The following ABHD6 variants were observed in gnomAD, a reference collection of about 807,000 sequenced individuals.
ABHD6 encodes monoacylglycerol lipase ABHD6.
A neutral mutation model predicts 38.8 loss-of-function variants in ABHD6; 33 were observed. That is an observed-to-expected ratio of 0.85 (90% CI 0.64 to 1.14). The LOEUF is 1.14. Ranked by LOEUF, ABHD6 falls within the 50% of genes most tolerant of loss-of-function variation. The pLI is 0.00. For synonymous variants in ABHD6, 147 were observed against 161.6 expected, an observed-to-expected ratio of 0.91 and a Z score of 0.69; for missense variants, 380 against 422.6, an observed-to-expected ratio of 0.90 and a Z score of 0.88.
In ABHD6 at chr3:58,256,470, TG is replaced by T; in HGVS notation, c.-25-89del. The T allele has an allele frequency of 1.3e-6, 1 of 744,988 alleles. No individual in the cohort carries two copies. The highest frequency in any genetic ancestry group is 2.2e-6 in the Non-Finnish European group (1 of 449,986). The allele number at this position is 744,988 out of a possible 1,614,324, so 46.1% of individuals were successfully genotyped here. A position where few individuals can be genotyped will look rare whatever the true frequency, so the allele number is the denominator to read the frequency against. ...TTCCTCCTGTTCTTTACCCTCACTCTGGGAACTTCACTTTTCTTGTCCCCTT... is the reference window on the plus strand; with the variant it reads ...TTCCTCCTGTTCTTTACCCTCACTCTGGAACTTCACTTTTCTTGTCCCCTT... On this transcript the variant is annotated intron_variant, in intron 2 of 9. Coordinates refer to ENST00000478253, the MANE Select transcript of ABHD6 (RefSeq NM_001320126.2). This position sits in a 1 kb window ranked among gnomAD's most constrained non-coding sequence, Gnocchi z 4.3.
At chr3:58,282,500 G>A (rs1004421391) in intron 7 of ABHD6, among the ~76,000 whole-genome samples, 1 of 152,218 alleles carries the variant, frequency 6.6e-6, no homozygotes, top group Non-Finnish European at 1.5e-5. Context: ...GGGAGGCCAA[G>A]GCGGGTGGAT....
chr3:58,281,285 C>T (rs1328262850), intron 7 of ABHD6, among the ~76,000 whole-genome samples: 2 of 152,222 alleles, frequency 1.3e-5, no homozygotes, highest in Non-Finnish European at 2.9e-5. Flanking sequence ...TGTTTACCTA[C>T]TTAAGCCTCA....
At chr3:58,246,622 C>G (rs1343919001) in intron 1 of ABHD6, among the ~76,000 whole-genome samples, 2 of 152,112 alleles carry the variant, frequency 1.3e-5, no homozygotes, top group Non-Finnish European at 2.9e-5. Flanking sequence ...TAATGAGAAC[C>G]CCCATGAGGA....
At chr3:58,248,059 A>T (rs1209699775) in intron 1 of ABHD6, among the ~76,000 whole-genome samples, 1 of 152,166 alleles carries the variant, frequency 6.6e-6, no homozygotes, top group African/African-American at 2.4e-5. Flanking sequence ...TAAGCATAAC[A>T]AATATATTTT....
chr3:58,276,289 CT>C (rs1287399796), intron 7 of ABHD6, among the ~76,000 whole-genome samples: 2 of 152,166 alleles, frequency 1.3e-5, no homozygotes, highest in Admixed American at 1.3e-4. Context: ...TGTTTCCTGA[CT>C]TTTTAATGAT....
rs1020868511 is a variant in ABHD6, at chr3:58,256,711, C to T, written c.119+6C>T. On this transcript the variant is annotated splice_donor_region_variant and intron_variant, in intron 3 of 9. Transcript: ENST00000478253. The surrounding 1 kb of genome is among the most constrained non-coding windows in gnomAD (Gnocchi z 4.3). Reference sequence around the variant, plus strand: ...CTGATAAGAATCTATTATTGGTAAGCCAGTTTTATCATTGATGTTTTCAAG... The same window carrying T: ...CTGATAAGAATCTATTATTGGTAAGTCAGTTTTATCATTGATGTTTTCAAG... 5.0e-6 allele frequency: 8 copies of T among 1,586,946 alleles called. No homozygotes were observed. The African/African-American group carries it at 9.4e-5, about 19-fold the overall frequency.
chr3:58,290,382 G>A (rs2097461335), intron 9 of ABHD6, among the ~76,000 whole-genome samples: 2 of 134,584 alleles, frequency 1.5e-5, no homozygotes, highest in Non-Finnish European at 3.2e-5. Context: ...GCGGCTGGCC[G>A]GGCAGAGGGG....
intron 2 of ABHD6, among the ~76,000 whole-genome samples, chr3:58,252,039 G>T (rs948463828): frequency 2.0e-5 from 3 of 152,024 alleles, no homozygotes; most frequent in Non-Finnish European, 4.4e-5. Context: ...AGATGAAGAA[G>T]CCAAGGTCTC....
Position 58,265,527 on chromosome 3 carries a change from G to T in ABHD6, c.120-1662G>T, listed in dbSNP as rs2097440336. ...GTACTGAATACTTACCATTTGCTGGGCATTGAACAAAACTTTGTACATGGA... is the reference window on the plus strand; with the variant it reads ...GTACTGAATACTTACCATTTGCTGGTCATTGAACAAAACTTTGTACATGGA... On this transcript the variant is annotated intron_variant, in intron 3 of 9. Transcript: ENST00000478253. The surrounding 1 kb of genome is among the most constrained non-coding windows in gnomAD (Gnocchi z 4.2). Among the ~76,000 whole-genome samples, 1 of 152,040 alleles carries T rather than the reference G, an allele frequency of 6.6e-6. No homozygotes were observed. The highest frequency in any genetic ancestry group is 6.6e-5 in the Admixed American group (1 of 15,252).
intron 7 of ABHD6, among the ~76,000 whole-genome samples, chr3:58,281,979 G>A (rs1389938354): frequency 6.6e-6 from 1 of 152,060 alleles, no homozygotes; most frequent in Non-Finnish European, 1.5e-5. Context: ...GAAAATAAAT[G>A]AAAACTCAGA....
intron 2 of ABHD6, among the ~76,000 whole-genome samples, chr3:58,252,229 GTTTTTTT>G (rs10671892): frequency 2.5e-5 from 2 of 80,966 alleles, no homozygotes; most frequent in African/African-American, 5.2e-5. Flanking sequence ...TTGACTGCTT[GTTTTTTT>G]TTTTTTTTTT....
chr3:58,290,443 G>A (rs2097461437), intron 9 of ABHD6, among the ~76,000 whole-genome samples: 1 of 96,566 alleles, frequency 1.0e-5, no homozygotes, highest in Non-Finnish European at 2.1e-5. Flanking sequence ...CTCACCTACC[G>A]GATGGGGCGG....
At chr3:58,286,165 ACCCG>A (rs1362608249) in intron 9 of ABHD6, among the ~76,000 whole-genome samples, 3 of 151,820 alleles carry the variant, frequency 2.0e-5, no homozygotes, top group Non-Finnish European at 4.4e-5. Context: ...GACTACAGGC[ACCCG>A]CCACCATGCC....
intron 2 of ABHD6, among the ~76,000 whole-genome samples, chr3:58,255,309 CAACTT>C (rs2097432507): frequency 6.6e-6 from 1 of 152,322 alleles, no homozygotes; most frequent in South Asian, 2.1e-4. Context: ...ATTTACATAA[CAACTT>C]AAAAGTTTTA....
intron 9 of ABHD6, among the ~76,000 whole-genome samples, chr3:58,286,128 T>G (rs1199013761): frequency 6.6e-6 from 1 of 152,086 alleles, no homozygotes; most frequent in East Asian, 1.9e-4. Flanking sequence ...CACGCCATTC[T>G]CCTGCCTCAG....
Position 58,271,061 on chromosome 3 carries a change from G to C in ABHD6, c.520G>C (p.Ala174Pro). ...DVSSLCLVCP[A>P]GLQYSTDNQF... ...CTCCAGCCTGTGTCTCGTGTGTCCT[G>C]CTGGTAAGTTATGAAGCTGAAACAT... Residue 174 changes from alanine (A) to proline (P), a missense_variant, in exon 6 of 10, where the codon GCT becomes CCT. Coordinates refer to ENST00000478253, the MANE Select transcript of ABHD6 (RefSeq NM_001320126.2). 1 of 1,596,926 alleles carries C rather than the reference G, an allele frequency of 6.3e-7. No homozygotes were observed. The highest frequency in any genetic ancestry group is 1.7e-4 in the Middle Eastern group (1 of 5,986).
chr3:58,290,797 C>T lies in ABHD6; in HGVS notation c.838-2792C>T, dbSNP rs76791418. ...CAGACAATGGGCGGCCGGGCAGAGACGCTCCTCACTTCCTAGATGGGATGG... is the reference window on the plus strand; with the variant it reads ...CAGACAATGGGCGGCCGGGCAGAGATGCTCCTCACTTCCTAGATGGGATGG... On this transcript the variant is annotated intron_variant, in intron 9 of 9. Coordinates refer to ENST00000478253, the MANE Select transcript of ABHD6 (RefSeq NM_001320126.2). 2.2e-3 allele frequency among the ~76,000 whole-genome samples: 324 copies of T among 150,364 alleles called. 1 individual carries two copies. The highest frequency in any genetic ancestry group is 7.7e-3 in the African/African-American group (311 of 40,650).
Position 58,251,917 on chromosome 3 carries a change from T to C in ABHD6, c.-26+1975T>C, listed in dbSNP as rs1443373411. Reference sequence around the variant, plus strand: ...GGAACTCTATTAGGAAAGAAGATTCTTGTGGGAGCAAGCCAAATCCTACTC... The same window carrying C: ...GGAACTCTATTAGGAAAGAAGATTCCTGTGGGAGCAAGCCAAATCCTACTC... On this transcript the variant is annotated intron_variant, in intron 2 of 9. Coordinates refer to ENST00000478253, the MANE Select transcript of ABHD6 (RefSeq NM_001320126.2). This position sits in a 1 kb window ranked among gnomAD's most constrained non-coding sequence, Gnocchi z 5.4. Among the ~76,000 whole-genome samples the C allele has an allele frequency of 6.6e-6, 1 of 152,234 alleles. No individual in the cohort carries two copies. The highest frequency in any genetic ancestry group is 1.5e-5 in the Non-Finnish European group (1 of 68,040).
intron 9 of ABHD6, among the ~76,000 whole-genome samples, chr3:58,292,584 C>G (rs2097464026): frequency 6.6e-6 from 1 of 152,030 alleles, no homozygotes; most frequent in South Asian, 2.1e-4. Context: ...AGGTTAGAGC[C>G]AAGAAACACA....
Sources: allele counts gnomAD v4.1 joint callset (sites outside exome capture counted in the v4.1 genomes callset), GRCh38; gene constraint gnomAD v4.1.1; non-coding constraint Gnocchi (gnomAD v3.1); transcripts MANE v1.5; gene names NCBI Gene and HGNC (gene_info 2026-07-23, HGNC 2026-07-21).